The following XPO7 variants were observed in gnomAD, a reference collection of about 807,000 sequenced individuals.
XPO7 encodes exportin-7.
Under a neutral mutation model 144.3 loss-of-function variants are expected in XPO7, and 21 were observed. The observed-to-expected ratio is 0.15, with a 90% CI of 0.10 to 0.21. The LOEUF (loss-of-function observed/expected upper bound fraction) is 0.21, where lower values mean the gene tolerates loss of function less well. Ranked by LOEUF, XPO7 falls within the 10% of genes least tolerant of loss-of-function variation. The probability of loss-of-function intolerance (pLI) is 1.00; values close to 1 mark genes in which losing one functional copy is unlikely to be tolerated. For synonymous variants in XPO7, 580 were observed against 499.6 expected (o/e 1.16, Z -2.15); for missense variants, 808 against 1,325.8 (o/e 0.61, Z 6.06).
intron 14 of XPO7, 34 bp from the exon 15 acceptor site, chr8:21,987,750 A>G (rs767194971): frequency 5.2e-5 from 83 of 1,610,170 alleles, no homozygotes; most frequent in Non-Finnish European, 6.7e-5. Flanking sequence ...GTTGTAATTC[A>G]TGTGTTCTGG....
chr8:21,999,696 G>A (rs1317447480), intron 24 of XPO7, 22 bp downstream of exon 24: 3 of 1,613,590 alleles, frequency 1.9e-6, no homozygotes, highest in Non-Finnish European at 2.5e-6. Flanking sequence ...AGGTGGGTGG[G>A]TGAGTTGGTG....
intron 16 of XPO7, among the ~76,000 whole-genome samples, chr8:21,989,669 C>T (rs1468126197): frequency 1.3e-5 from 2 of 151,992 alleles, no homozygotes; most frequent in African/African-American, 2.4e-5. Context: ...ATTCATTATA[C>T]ACAATATATG....
chr8:21,947,953 A>C (rs377046296), intron 1 of XPO7, among the ~76,000 whole-genome samples: 19 of 152,244 alleles, frequency 1.2e-4, no homozygotes, highest in African/African-American at 4.6e-4. Flanking sequence ...AAAATAAAAA[A>C]ACATGGCATG....
intron 3 of XPO7, 121 bp downstream of exon 3, chr8:21,969,697 C>G: frequency 9.8e-7 from 1 of 1,017,044 alleles, no homozygotes; most frequent in Non-Finnish European, 1.4e-6. Context: ...TACAAAATGT[C>G]TAGAATCCAG....
chr8:22,000,803 T>G (rs1813115443), intron 24 of XPO7, among the ~76,000 whole-genome samples: 1 of 152,170 alleles, frequency 6.6e-6, no homozygotes, highest in African/African-American at 2.4e-5. Context: ...CATTTTTATA[T>G]TAGGCTGAGC....
chr8:21,963,764 G>A (rs902659279), intron 1 of XPO7, among the ~76,000 whole-genome samples: 2 of 151,864 alleles, frequency 1.3e-5, no homozygotes, highest in East Asian at 1.9e-4. Flanking sequence ...TAAAATCTGA[G>A]GTATTCTGCT....
intron 21 of XPO7, among the ~76,000 whole-genome samples, chr8:21,997,373 G>A (rs1299851068): frequency 1.3e-5 from 2 of 152,198 alleles, no homozygotes; most frequent in East Asian, 1.9e-4. Flanking sequence ...AAACAAGGCA[G>A]TAAAATAGAG....
At position 21,925,757 on chromosome 8, in the gene XPO7, G is replaced by A. The variant is rs544101902; in HGVS notation, c.18+5969G>A. Among the ~76,000 whole-genome samples the A allele has an allele frequency of 6.6e-5, 10 of 152,288 alleles. No individual in the cohort carries two copies. The South Asian group carries it at 1.9e-3, about 28-fold the overall frequency. On this transcript the variant is annotated intron_variant, in intron 1 of 27. Transcript: ENST00000252512. ...AGCATTCTGGATGGGATTTCCAGTT[G>A]TCATCCTTGTATTCTCTCCCCAATA...
At chr8:21,932,218 T>C (rs554069650) in intron 1 of XPO7, among the ~76,000 whole-genome samples, 1 of 152,310 alleles carries the variant, frequency 6.6e-6, no homozygotes, top group Admixed American at 6.5e-5. Context: ...ATTTGCTGAC[T>C]TGATTAATAA....
chr8:21,921,340 T>A (rs1399073401), intron 1 of XPO7: 1 of 152,186 alleles, frequency 6.6e-6, no homozygotes, highest in African/African-American at 2.4e-5. Flanking sequence ...AGTCTAAGTG[T>A]CCCAAAGTCT....
intron 1 of XPO7, among the ~76,000 whole-genome samples, chr8:21,923,347 C>T (rs563220555): frequency 6.6e-6 from 1 of 152,314 alleles, no homozygotes; most frequent in South Asian, 2.1e-4. Context: ...TCAAAACATG[C>T]TACATCTGTG....
At chr8:21,923,134 A>T (rs754151470) in intron 1 of XPO7, among the ~76,000 whole-genome samples, 2 of 152,242 alleles carry the variant, frequency 1.3e-5, no homozygotes, top group Non-Finnish European at 2.9e-5. Flanking sequence ...TTTTAAATGG[A>T]AAAAACATAA....
intron 11 of XPO7, among the ~76,000 whole-genome samples, chr8:21,983,602 A>T (rs1812474745): frequency 6.6e-6 from 1 of 152,144 alleles, no homozygotes; most frequent in Non-Finnish European, 1.5e-5. Flanking sequence ...TGTCACCTCC[A>T]TAGCTTCCAC....
chr8:21,939,401 G>A (rs1810921018), intron 1 of XPO7, among the ~76,000 whole-genome samples: 2 of 152,024 alleles, frequency 1.3e-5, no homozygotes, highest in Admixed American at 6.6e-5. Flanking sequence ...TGTATTTTTA[G>A]TAGAGACGGG....
intron 24 of XPO7, among the ~76,000 whole-genome samples, chr8:22,001,593 T>A (rs1168448603): frequency 6.6e-6 from 1 of 152,236 alleles, no homozygotes; most frequent in Non-Finnish European, 1.5e-5. Flanking sequence ...ATTCTGGGTT[T>A]AATTACATCC....
chr8:21,978,391 T>C (rs965364796), intron 8 of XPO7, among the ~76,000 whole-genome samples: 1 of 152,230 alleles, frequency 6.6e-6, no homozygotes, highest in African/African-American at 2.4e-5. Context: ...TTGGTGTAAA[T>C]TACCGGTTGG....
intron 12 of XPO7, 98 bp from the exon 13 acceptor site, chr8:21,985,488 T>G: frequency 1.8e-6 from 2 of 1,141,702 alleles, no homozygotes; most frequent in Admixed American, 3.4e-5. Context: ...GACTTCATGG[T>G]TTCACCACAG....
chr8:21,934,312 T>C (rs1436649575), intron 1 of XPO7, among the ~76,000 whole-genome samples: 1 of 152,150 alleles, frequency 6.6e-6, no homozygotes, highest in Non-Finnish European at 1.5e-5. Flanking sequence ...GGTGGGCGGA[T>C]CACCTGAGGT....
At chr8:22,000,813 C>A (rs1324457845) in intron 24 of XPO7, among the ~76,000 whole-genome samples, 2 of 152,002 alleles carry the variant, frequency 1.3e-5, no homozygotes, top group Non-Finnish European at 2.9e-5. Context: ...TTAGGCTGAG[C>A]AAAACATAAG....
Sources: gnomAD v4.1 joint callset for allele counts (sites outside exome capture counted in the v4.1 genomes callset) on GRCh38, gnomAD v4.1.1 for gene constraint, MANE v1.5 for transcripts, NCBI Gene and HGNC (gene_info 2026-07-23, HGNC 2026-07-21) for gene names.